The following ZNF641 variants were observed in gnomAD, a reference collection of about 807,000 sequenced individuals.
The protein encoded by ZNF641 is zinc finger protein 641.
ZNF641 carries 26 observed loss-of-function variants against 46.2 expected under a neutral mutation model. The ratio of observed to expected loss-of-function variants is 0.56; its 90% CI spans 0.41 to 0.78. ZNF641 has a LOEUF of 0.78. Ranked by LOEUF, ZNF641 falls within the 30% of genes least tolerant of loss-of-function variation. ZNF641 has a pLI of 0.00. For synonymous variants in ZNF641, 163 were observed against 187.9 expected (o/e 0.87, Z 1.09); for missense variants, 469 against 517.8 (o/e 0.91, Z 0.91).
rs1014140106 is a variant in ZNF641, at chr12:48,343,808, T to C, written c.521-81A>G. On this transcript the variant is annotated intron_variant, in intron 5 of 5. Coordinates refer to ENST00000547026, the MANE Select transcript of ZNF641 (RefSeq NM_001172681.2). ...GGCCTAAGTCACAAATGAGGTTGTCTGATACCTGCCAGGGCCCAGACTTGA... is the reference window on the plus strand; with the variant it reads ...GGCCTAAGTCACAAATGAGGTTGTCCGATACCTGCCAGGGCCCAGACTTGA... 2.9e-6 allele frequency: 4 copies of C among 1,359,128 alleles called. No individual in the cohort carries two copies. The African/African-American group carries it at 4.4e-5, about 15-fold the overall frequency. The allele number at this position is 1,359,128 out of a possible 1,614,324, so 84.2% of individuals were successfully genotyped here.
rs1392479995 is a variant in ZNF641, at chr12:48,350,889, A to C, written c.-129T>G. On this transcript the variant is annotated 5_prime_UTR_variant, in exon 1 of 6. Coordinates refer to ENST00000547026, the MANE Select transcript of ZNF641 (RefSeq NM_001172681.2). ...CTGGGAGCCGGCGGCCGGCGGAGCC[A>C]GCGACAGGCGGAGACGGCGGCCCGG... 8.1e-6 allele frequency: 8 copies of C among 984,376 alleles called. No individual in the cohort carries two copies. The highest frequency in any genetic ancestry group is 9.6e-6 in the Non-Finnish European group (8 of 829,372). 61.0% of individuals were successfully genotyped at this position (984,376 alleles called of 1,614,324 possible).
rs1050362241 is a variant in ZNF641 at position 48,338,135 on chromosome 12, A to C, written c.*4838T>G. On this transcript the variant is annotated 3_prime_UTR_variant, in exon 6 of 6. Transcript: ENST00000547026. ...GAATTGACCCCTGCTTAGTAGGCTT[A>C]AAGCTGATAGAAAAGAAACTGGACA... 6.6e-6 allele frequency: 1 copy of C among 152,370 alleles called. No homozygotes were observed. The highest frequency in any genetic ancestry group is 1.5e-5 in the Non-Finnish European group (1 of 68,124). 9.4% of individuals were successfully genotyped at this position (152,370 alleles called of 1,614,324 possible). A position where few individuals can be genotyped will look rare whatever the true frequency, so the allele number is the denominator to read the frequency against.
At chr12:48,349,349 G>C (rs558450737) in intron 1 of ZNF641, among the ~76,000 whole-genome samples, 1 of 152,146 alleles carries the variant, frequency 6.6e-6, no homozygotes, top group East Asian at 1.9e-4. Flanking sequence ...ATCTCTTTCT[G>C]TTTGGCAACA....
At position 48,340,741 on chromosome 12, in the gene ZNF641, C is replaced by G; in HGVS notation, c.*2232G>C. ...TCAAAAGTGCGTTTCTGGTTTCTGTCAGATTCAACAGGTCTGTACCCAAGA... is the reference window on the plus strand; with the variant it reads ...TCAAAAGTGCGTTTCTGGTTTCTGTGAGATTCAACAGGTCTGTACCCAAGA... On this transcript the variant is annotated 3_prime_UTR_variant, in exon 6 of 6. Transcript: ENST00000547026. 1.0e-6 allele frequency: 1 copy of G among 985,428 alleles called. No individual in the cohort carries two copies. The highest frequency in any genetic ancestry group is 1.2e-6 in the Non-Finnish European group (1 of 829,928). 61.0% of individuals were successfully genotyped at this position (985,428 alleles called of 1,614,324 possible).
chr12:48,340,344 G>A lies in ZNF641; in HGVS notation c.*2629C>T. The A allele has an allele frequency of 1.0e-6, 1 of 985,434 alleles. No individual in the cohort carries two copies. Among genetic ancestry groups the A allele is most frequent in the Non-Finnish European group, 1.2e-6 (1 of 829,930 alleles). 61.0% of individuals were successfully genotyped at this position (985,434 alleles called of 1,614,324 possible). A position where few individuals can be genotyped will look rare whatever the true frequency, so the allele number is the denominator to read the frequency against. ...TACTCAAACAGATAAAAGGCTGGAT[G>A]TTAACATGTAGTTATAAGGGGCGTG... On this transcript the variant is annotated 3_prime_UTR_variant, in exon 6 of 6. Coordinates refer to ENST00000547026, the MANE Select transcript of ZNF641 (RefSeq NM_001172681.2).
In ZNF641 at chr12:48,343,641, G is replaced by A; in HGVS notation, c.607C>T (p.Leu203Phe). 1 of 1,590,942 alleles carries A rather than the reference G, an allele frequency of 6.3e-7. No homozygotes were observed. The highest frequency in any genetic ancestry group is 8.6e-7 in the Non-Finnish European group (1 of 1,168,140). ...CTCTCATCATGCTCCGGGTTCCAGA[G>A]AACAGTATCTTCAGACACGCTGGAT... ...MLSSVSEDTV[L>F]WNPEHDESWD... is the part of the protein sequence containing the mutation. The change falls in exon 6 of 6, where the codon CTC becomes TTC. Residue 203 changes from leucine (L) to phenylalanine (F), a missense_variant. Physicochemically the swap from Leu to Phe is conservative, Grantham distance 22. This residue lies in a region of ZNF641 where 346 missense variants were observed against 354.0 expected (regional missense o/e 0.98). Coordinates refer to ENST00000547026, the MANE Select transcript of ZNF641 (RefSeq NM_001172681.2).
Position 48,345,485 on chromosome 12 carries a change from AT to A in ZNF641, c.277-12del, listed in dbSNP as rs752487253. On this transcript the variant is annotated splice_polypyrimidine_tract_variant and intron_variant, in intron 3 of 5. Coordinates refer to ENST00000547026, the MANE Select transcript of ZNF641 (RefSeq NM_001172681.2). The stretch of plus-strand genomic sequence containing the variant: ...GATGGTTACCAGGCCCTGAAACAAA[AT>A]GTAGCATCTTCTGTCAGCAGCTGTT... 2.1e-5 allele frequency: 34 copies of A among 1,614,048 alleles called. No homozygotes were observed. The South Asian group carries it at 3.3e-4, about 16-fold the overall frequency.
chr12:48,348,208 C>T lies in ZNF641; in HGVS notation c.-25-93G>A, dbSNP rs11838348. Reference sequence around the variant, plus strand: ...GAAGAACAGGCCCAGGGATAATAGACAAAACTAGATAGGAGGAGCTTGCTG... The same window carrying T: ...GAAGAACAGGCCCAGGGATAATAGATAAAACTAGATAGGAGGAGCTTGCTG... On this transcript the variant is annotated intron_variant, in intron 1 of 5. Coordinates refer to ENST00000547026, the MANE Select transcript of ZNF641 (RefSeq NM_001172681.2). 2,137 of 1,280,020 alleles carry T rather than the reference C, an allele frequency of 1.7e-3. 22 individuals carry two copies. In the African/African-American group the frequency reaches 0.027, roughly 16 times the overall value. The allele number at this position is 1,280,020 out of a possible 1,614,324, so 79.3% of individuals were successfully genotyped here. A position where few individuals can be genotyped will look rare whatever the true frequency, so the allele number is the denominator to read the frequency against.
chr12:48,340,060 G>A lies in ZNF641; in HGVS notation c.*2913C>T, dbSNP rs543845361. The stretch of plus-strand genomic sequence containing the variant: ...GAGATTCTTTTTATTTAAAGGGGAC[G>A]GGGTGAAACATGAACATTTGAGGCT... On this transcript the variant is annotated 3_prime_UTR_variant, in exon 6 of 6. Transcript: ENST00000547026. The A allele has an allele frequency of 6.8e-4, 673 of 985,388 alleles. No individual in the cohort carries two copies. The highest frequency in any genetic ancestry group is 2.4e-3 in the East Asian group (21 of 8,804). The allele number at this position is 985,388 out of a possible 1,614,324, so 61.0% of individuals were successfully genotyped here.
chr12:48,336,954 TTGAG>T (rs1218286976), downstream of ZNF641, among the ~76,000 whole-genome samples: 3 of 152,128 alleles, frequency 2.0e-5, no homozygotes, highest in African/African-American at 7.2e-5. Context: ...CCAGGTTGGA[TTGAG>T]TGTCTGGCTG....
Position 48,341,719 on chromosome 12 carries a change from G to A in ZNF641, c.*1254C>T. ...CCCACTCAATACAAAGTTTCTATGT[G>A]CCTCTTGCCTGAAATCAACAAGAAA... On this transcript the variant is annotated 3_prime_UTR_variant, in exon 6 of 6. Coordinates refer to ENST00000547026, the MANE Select transcript of ZNF641 (RefSeq NM_001172681.2). The A allele has an allele frequency of 1.0e-6, 1 of 985,386 alleles. No individual in the cohort carries two copies. Among genetic ancestry groups the A allele is most frequent in the Non-Finnish European group, 1.2e-6 (1 of 829,920 alleles). The allele number at this position is 985,386 out of a possible 1,614,324, so 61.0% of individuals were successfully genotyped here.
Position 48,343,514 on chromosome 12 carries a change from G to C in ZNF641, c.734C>G (p.Ser245Cys), listed in dbSNP as rs1167396208. The part of the protein sequence containing the change: ...SNLLCSTEMD[S>C]LLRPHTCPQC... ...GGGGCATGTGTGGGGTCTTAACAGG[G>C]AATCCATCTCTGTGCTACACAGCAG... Residue 245 changes from serine to cysteine, a missense_variant, in exon 6 of 6, where the codon TCC becomes TGC. Ser to Cys is a moderately radical substitution (Grantham distance 112). This residue lies in a region of ZNF641 where 346 missense variants were observed against 354.0 expected (regional missense o/e 0.98). Transcript: ENST00000547026. 6.2e-7 allele frequency: 1 copy of C among 1,612,874 alleles called. No individual in the cohort carries two copies. The highest frequency in any genetic ancestry group is 1.7e-4 in the Middle Eastern group (1 of 6,054).
chr12:48,347,119 A>T (rs778903257), intron 3 of ZNF641, 133 bp downstream of exon 3: 90 of 1,499,382 alleles, frequency 6.0e-5, no homozygotes, highest in Non-Finnish European at 7.9e-5. Context: ...GGAAAGGGAT[A>T]GAATCTATTC....
Position 48,343,181 on chromosome 12 carries a change from T to G in ZNF641, c.1067A>C (p.Lys356Thr). ...CCCACATTCAGTGCACACGTGACAC[T>G]TTGGCACTGGTGGGGCACGCTGCCG... is the stretch of plus-strand genomic sequence containing the variant. ...RKRQRAPPVP[K>T]CHVCTECGKS... Residue 356 changes from lysine to threonine, a missense_variant, in exon 6 of 6, where the codon AAG (lysine) becomes ACG (threonine). Around this residue, in one of 3 missense-constraint regions of ZNF641, gnomAD observed 346 missense variants for 354.0 expected, o/e 0.98. Transcript: ENST00000547026. 6.2e-7 allele frequency: 1 copy of G among 1,614,150 alleles called. No homozygotes were observed. The highest frequency in any genetic ancestry group is 8.5e-7 in the Non-Finnish European group (1 of 1,179,984).
rs1003979672 is a variant in ZNF641, at chr12:48,350,901, A to G, written c.-141T>C. ...GGCCGGCGGAGCCAGCGACAGGCGG[A>G]GACGGCGGCCCGGCAGGCGCGGGCG... is the stretch of plus-strand genomic sequence containing the variant. On this transcript the variant is annotated 5_prime_UTR_variant, in exon 1 of 6. Coordinates refer to ENST00000547026, the MANE Select transcript of ZNF641 (RefSeq NM_001172681.2). 3.1e-6 allele frequency: 3 copies of G among 982,228 alleles called. No individual in the cohort carries two copies. Among genetic ancestry groups the G allele is most frequent in the Non-Finnish European group, 3.6e-6 (3 of 827,348 alleles). The allele number at this position is 982,228 out of a possible 1,614,324, so 60.8% of individuals were successfully genotyped here. A position where few individuals can be genotyped will look rare whatever the true frequency, so the allele number is the denominator to read the frequency against.
chr12:48,342,284 T>C lies in ZNF641; in HGVS notation c.*689A>G. ...TTCAGCAGGTGAGGGTGAGAGGTGA[T>C]GTATATACTGCTGATTGGCATAAGG... On this transcript the variant is annotated 3_prime_UTR_variant, in exon 6 of 6. Transcript: ENST00000547026. 1.0e-6 allele frequency: 1 copy of C among 985,446 alleles called. No homozygotes were observed. The highest frequency in any genetic ancestry group is 1.2e-6 in the Non-Finnish European group (1 of 830,012). The allele number at this position is 985,446 out of a possible 1,614,324, so 61.0% of individuals were successfully genotyped here. A position where few individuals can be genotyped will look rare whatever the true frequency, so the allele number is the denominator to read the frequency against.
Position 48,350,909 on chromosome 12 carries a change from G to C in ZNF641, c.-149C>G. The C allele has an allele frequency of 1.0e-6, 1 of 974,162 alleles. No individual in the cohort carries two copies. Among genetic ancestry groups the C allele is most frequent in the Non-Finnish European group, 1.2e-6 (1 of 819,786 alleles). 60.3% of individuals were successfully genotyped at this position (974,162 alleles called of 1,614,324 possible). A position where few individuals can be genotyped will look rare whatever the true frequency, so the allele number is the denominator to read the frequency against. ...GAGCCAGCGACAGGCGGAGACGGCG[G>C]CCCGGCAGGCGCGGGCGGGGCGGGG... On this transcript the variant is annotated 5_prime_UTR_variant, in exon 1 of 6. Coordinates refer to ENST00000547026, the MANE Select transcript of ZNF641 (RefSeq NM_001172681.2).
In ZNF641 at chr12:48,342,743, A is replaced by G. The variant is rs1952749296; in HGVS notation, c.*230T>C. The G allele has an allele frequency of 5.1e-5, 69 of 1,347,748 alleles. 2 individuals carry two copies. In the South Asian group the frequency reaches 1.1e-3, roughly 21 times the overall value. 83.5% of individuals were successfully genotyped at this position (1,347,748 alleles called of 1,614,324 possible). ...AACAGCTCAGGCTGAATATCAGCCCATGTAGGATGCATTGCTTCCCAAAAG... is the reference window on the plus strand; with the variant it reads ...AACAGCTCAGGCTGAATATCAGCCCGTGTAGGATGCATTGCTTCCCAAAAG... On this transcript the variant is annotated 3_prime_UTR_variant, in exon 6 of 6. Coordinates refer to ENST00000547026, the MANE Select transcript of ZNF641 (RefSeq NM_001172681.2).
intron 5 of ZNF641, 37 bp downstream of exon 5, chr12:48,344,562 T>C (rs1267620648): frequency 7.4e-7 from 1 of 1,349,280 alleles, no homozygotes; most frequent in Non-Finnish European, 1.1e-6. Flanking sequence ...TCCCGAACTG[T>C]GAAGGAAGTG....
Sources: gnomAD v4.1 joint callset for allele counts (sites outside exome capture counted in the v4.1 genomes callset) on GRCh38, gnomAD v4.1.1 for gene constraint, gnomAD v4.1.1 regional missense constraint, MANE v1.5 for transcripts, NCBI Gene and HGNC (gene_info 2026-07-23, HGNC 2026-07-21) for gene names.